YWHAZ: variants seen among roughly 807,000 people sequenced by gnomAD.
YWHAZ encodes tyrosine 3-monooxygenase/tryptophan 5-monooxygenase activation protein zeta, also known as 14-3-3 protein zeta/delta.
For missense variants in YWHAZ, 79 were observed against 284.8 expected, an observed-to-expected ratio of 0.28 and a Z score of 5.20; for synonymous variants, 87 against 103.6, an observed-to-expected ratio of 0.84 and a Z score of 0.97.
At chr8:100,935,500 C>T (rs1030034669) in intron 2 of YWHAZ, among the ~76,000 whole-genome samples, 1 of 152,124 alleles carries the variant, frequency 6.6e-6, no homozygotes, top group African/African-American at 2.4e-5. Flanking sequence ...GTAAGAGACA[C>T]AACAATGTTC....
At chr8:100,937,538 T>C (rs1476972938) in intron 2 of YWHAZ, among the ~76,000 whole-genome samples, 4 of 152,168 alleles carry the variant, frequency 2.6e-5, no homozygotes, top group Non-Finnish European at 5.9e-5. Context: ...TCAACCTCTA[T>C]TGAGACATTT....
chr8:100,916,901 A>AAAAGAATCCAAGT lies in YWHAZ; in HGVS notation c.*3779_*3791dup, dbSNP rs1812733837. On this transcript the variant is annotated 3_prime_UTR_variant, in exon 6 of 6. Transcript: ENST00000395958. ...AGTATTTAATTAGTTTCACACTTAG[A>AAAAGAATCCAAGT]AAAGAATCCAAGTCTATTTTCCAAG... 1 of 75,230 alleles carries AAAAGAATCCAAGT rather than the reference A, an allele frequency of 1.3e-5. No homozygotes were observed. The highest frequency in any genetic ancestry group is 3.9e-5 in the Non-Finnish European group (1 of 25,344). 4.7% of individuals were successfully genotyped at this position (75,230 alleles called of 1,614,324 possible).
intron 2 of YWHAZ, chr8:100,935,101 G>C (rs1456018358): frequency 1.3e-5 from 2 of 152,024 alleles, no homozygotes; most frequent in African/African-American, 4.8e-5. Context: ...AGGTTGCAGT[G>C]AGCCGACATT....
chr8:100,949,667 G>T (rs1432840502), intron 1 of YWHAZ, among the ~76,000 whole-genome samples: 1 of 152,160 alleles, frequency 6.6e-6, no homozygotes, highest in Non-Finnish European at 1.5e-5. Context: ...TATCACATTG[G>T]AAGTACTTAA....
rs1025860784 is a variant in YWHAZ, at chr8:100,917,082, G to C, written c.*3611C>G. ...GACCATCATTGAGCATAGAGCACCA[G>C]TTTTCAAAGTCAAAGTTTCACTCTC... On this transcript the variant is annotated 3_prime_UTR_variant, in exon 6 of 6. Coordinates refer to ENST00000395958, the MANE Select transcript of YWHAZ (RefSeq NM_145690.3). 4 of 151,620 alleles carry C rather than the reference G, an allele frequency of 2.6e-5. No homozygotes were observed. The highest frequency in any genetic ancestry group is 1.3e-4 in the Admixed American group (2 of 15,256). The allele number at this position is 151,620 out of a possible 1,614,324, so 9.4% of individuals were successfully genotyped here.
At chr8:100,938,777 T>C (rs1814392322) in intron 2 of YWHAZ, among the ~76,000 whole-genome samples, 1 of 152,196 alleles carries the variant, frequency 6.6e-6, no homozygotes, top group Non-Finnish European at 1.5e-5. Flanking sequence ...GTGGCTTCCA[T>C]TCTTTGATTT....
intron 2 of YWHAZ, among the ~76,000 whole-genome samples, chr8:100,927,674 AC>A (rs1813458304): frequency 6.6e-6 from 1 of 152,232 alleles, no homozygotes; most frequent in South Asian, 2.1e-4. Context: ...TGTACTAAAA[AC>A]TTAAATTTTT....
At chr8:100,945,136 G>A (rs998405739) in intron 2 of YWHAZ, among the ~76,000 whole-genome samples, 1 of 152,178 alleles carries the variant, frequency 6.6e-6, no homozygotes, top group African/African-American at 2.4e-5. Flanking sequence ...ACATATTGCA[G>A]TTTGAAATTA....
rs71572094 is a variant in YWHAZ, at chr8:100,918,408, T to TTATATATATATATATATATA, written c.*2265_*2284dup. ...AGTCTAGCTATAAAATATAATTACT[T>TTATATATATATATATATATA]TATATATATATATATATATATATAT... is the stretch of plus-strand genomic sequence containing the variant. On this transcript the variant is annotated 3_prime_UTR_variant, in exon 6 of 6. Coordinates refer to ENST00000395958, the MANE Select transcript of YWHAZ (RefSeq NM_145690.3). 352 of 41,724 alleles carry TTATATATATATATATATATA rather than the reference T, an allele frequency of 8.4e-3. 22 individuals are homozygous for TTATATATATATATATATATA. Among genetic ancestry groups the TTATATATATATATATATATA allele is most frequent in the East Asian group, 0.013 (9 of 682 alleles). 2.6% of individuals were successfully genotyped at this position (41,724 alleles called of 1,614,324 possible). A position where few individuals can be genotyped will look rare whatever the true frequency, so the allele number is the denominator to read the frequency against.
At chr8:100,949,868 A>G (rs1810579908) in intron 1 of YWHAZ, among the ~76,000 whole-genome samples, 1 of 152,164 alleles carries the variant, frequency 6.6e-6, no homozygotes, top group Non-Finnish European at 1.5e-5. Context: ...TTTTTCTGGA[A>G]AGATACCCTT....
In YWHAZ at chr8:100,951,930, T is replaced by C; in HGVS notation, c.-13A>G. On this transcript the variant is annotated splice_region_variant and 5_prime_UTR_variant, in exon 1 of 6. Coordinates refer to ENST00000395958, the MANE Select transcript of YWHAZ (RefSeq NM_145690.3). ...CGCGGCGGCGGCCGGGTTCCTCACC[T>C]GTGTCCGGAGTGGGTGGTGGCGGCG... 1 of 999,862 alleles carries C rather than the reference T, an allele frequency of 1.0e-6. No individual in the cohort carries two copies. The highest frequency in any genetic ancestry group is 1.2e-6 in the Non-Finnish European group (1 of 839,942). 61.9% of individuals were successfully genotyped at this position (999,862 alleles called of 1,614,324 possible). A position where few individuals can be genotyped will look rare whatever the true frequency, so the allele number is the denominator to read the frequency against.
chr8:100,945,096 T>A (rs1367172515), intron 2 of YWHAZ, among the ~76,000 whole-genome samples: 3 of 152,334 alleles, frequency 2.0e-5, no homozygotes, highest in South Asian at 4.1e-4. Flanking sequence ...TGTCTAAGCA[T>A]CTGGCAGGAA....
intron 2 of YWHAZ, among the ~76,000 whole-genome samples, chr8:100,929,663 T>A (rs993812240): frequency 1.9e-4 from 28 of 150,696 alleles, no homozygotes; most frequent in African/African-American, 7.0e-4. Flanking sequence ...TTTTCAATTC[T>A]AAGGGAAGTC....
At chr8:100,945,437 C>T (rs2130333424) in intron 2 of YWHAZ, among the ~76,000 whole-genome samples, 1 of 152,192 alleles carries the variant, frequency 6.6e-6, no homozygotes, top group South Asian at 2.1e-4. Context: ...TATAAAAAAT[C>T]TGGTTATCAC....
At chr8:100,921,365 G>A (rs899811028) in intron 5 of YWHAZ, among the ~76,000 whole-genome samples, 6 of 152,118 alleles carry the variant, frequency 3.9e-5, no homozygotes, top group Non-Finnish European at 7.4e-5. Flanking sequence ...ATCAATAGGT[G>A]TCAGAACCTA....
chr8:100,938,524 A>T (rs1309515759), intron 2 of YWHAZ, among the ~76,000 whole-genome samples: 1 of 152,242 alleles, frequency 6.6e-6, no homozygotes, highest in Non-Finnish European at 1.5e-5. Context: ...ATGTCATTTT[A>T]ATAACATCCT....
chr8:100,935,298 G>A (rs1324471244), intron 2 of YWHAZ, among the ~76,000 whole-genome samples: 1 of 152,168 alleles, frequency 6.6e-6, no homozygotes, highest in African/African-American at 2.4e-5. Context: ...ACGCATAACT[G>A]TAATAGCTTC....
intron 2 of YWHAZ, among the ~76,000 whole-genome samples, chr8:100,943,129 T>C (rs1186781897): frequency 6.6e-6 from 1 of 152,190 alleles, no homozygotes; most frequent in Non-Finnish European, 1.5e-5. Flanking sequence ...ATGCTAAAAT[T>C]GGGTAGTTAT....
chr8:100,933,972 C>T (rs1813940497), intron 2 of YWHAZ, among the ~76,000 whole-genome samples: 1 of 151,624 alleles, frequency 6.6e-6, no homozygotes, highest in African/African-American at 2.4e-5. Context: ...GCTTGGCCAT[C>T]ATGTTGAAAC....
Sources: allele counts gnomAD v4.1 joint callset (sites outside exome capture counted in the v4.1 genomes callset), GRCh38; gene constraint gnomAD v4.1.1; transcripts MANE v1.5; gene names NCBI Gene and HGNC (gene_info 2026-07-23, HGNC 2026-07-21).